The following LETM2 variants were observed in gnomAD, a reference collection of about 807,000 sequenced individuals.
LETM2 encodes the protein leucine zipper and EF-hand containing transmembrane protein 2.
In LETM2, 58 loss-of-function variants were observed where a neutral mutation model predicts 59.6. The observed-to-expected ratio is 0.97, with a 90% confidence interval of 0.79 to 1.21. The LOEUF (loss-of-function observed/expected upper bound fraction) is 1.21, where lower values mean the gene tolerates loss of function less well. LETM2 is among the 50% of genes most tolerant of loss of function. LETM2 has a pLI of 0.00. For synonymous variants in LETM2, 199 were observed against 214.1 expected, an observed-to-expected ratio of 0.93 and a Z score of 0.62; for missense variants, 572 against 575.7, an observed-to-expected ratio of 0.99 and a Z score of 0.07.
At chr8:38,405,481 A>G (rs1481245937) in intron 8 of LETM2, among the ~76,000 whole-genome samples, 1 of 152,210 alleles carries the variant, frequency 6.6e-6, no homozygotes, top group Non-Finnish European at 1.5e-5. Context: ...GTCGTTTTAC[A>G]TCTTAATTAT....
In LETM2 at chr8:38,392,924, G is replaced by T. The variant is rs770111359; in HGVS notation, c.430G>T (p.Ala144Ser). 2 of 1,612,510 alleles carry T rather than the reference G, an allele frequency of 1.2e-6. No individual in the cohort carries two copies. The highest frequency in any genetic ancestry group is 3.3e-5 in the Admixed American group (2 of 60,026). The change falls in exon 3 of 11, where the codon GCC becomes TCC. Residue 144 changes from alanine to serine, a missense_variant. By Grantham distance (99) the Ala-to-Ser change is moderately conservative. Coordinates refer to ENST00000379957, the MANE Select transcript of LETM2 (RefSeq NM_001286819.2). ...TGGATTCTACTTACTTTGGATTGAC[G>T]CCAAAGTTGCTGCCAGAATGGTTTG... ...YNGFYLLWID[A>S]KVAARMVWRL...
At chr8:38,399,277 T>G (rs936966335) in intron 4 of LETM2, among the ~76,000 whole-genome samples, 1 of 152,220 alleles carries the variant, frequency 6.6e-6, no homozygotes, top group Admixed American at 6.5e-5. Flanking sequence ...GTCCATTTAC[T>G]TTTCTTCTGT....
At chr8:38,401,113 C>A in intron 6 of LETM2, 60 bp downstream of exon 6, 1 of 1,336,712 alleles carries the variant, frequency 7.5e-7, no homozygotes, top group Non-Finnish European at 1.1e-6. Context: ...CCTTAGGGTG[C>A]CTGTGGGATG....
In LETM2 at chr8:38,393,781, C is replaced by T. The variant is rs1038379636; in HGVS notation, c.502-317C>T. On this transcript the variant is annotated intron_variant, in intron 3 of 10. Coordinates refer to ENST00000379957, the MANE Select transcript of LETM2 (RefSeq NM_001286819.2). The stretch of plus-strand genomic sequence containing the variant: ...CCTTCAAGATAGCCCCTAAAAGTTA[C>T]TTCAGAGCTATGGTAAACAGGAAAA... The T allele has an allele frequency of 6.7e-5, 16 of 238,072 alleles. No homozygotes were observed. The East Asian group carries it at 1.4e-3, about 20-fold the overall frequency. The allele number at this position is 238,072 out of a possible 1,614,324, so 14.7% of individuals were successfully genotyped here.
At chr8:38,386,412 G>A (rs1332847301), upstream of LETM2, 1 of 152,246 alleles carries the variant, frequency 6.6e-6, no homozygotes, top group Non-Finnish European at 1.5e-5. Context: ...CAGAACTTGA[G>A]AGCTTATTGG....
intron 8 of LETM2, chr8:38,404,780 A>G: frequency 3.0e-6 from 1 of 333,440 alleles, no homozygotes; most frequent in Non-Finnish European, 5.7e-6. Flanking sequence ...AGGAGTTTGA[A>G]ACTAGCCTGA....
rs141415608 is a variant in LETM2 at position 38,394,313 on chromosome 8, G to A, written c.645+72G>A. ...AGTTTTTAGGTTTACAGAAAACTTGGGCAGAAAGTACTACTTCTCCCCACC... is the reference window on the plus strand; with the variant it reads ...AGTTTTTAGGTTTACAGAAAACTTGAGCAGAAAGTACTACTTCTCCCCACC... On this transcript the variant is annotated intron_variant, in intron 4 of 10. Transcript: ENST00000379957. 28 of 861,036 alleles carry A rather than the reference G, an allele frequency of 3.3e-5. No homozygotes were observed. In the African/African-American group the frequency reaches 3.3e-4, roughly 10 times the overall value. 53.3% of individuals were successfully genotyped at this position (861,036 alleles called of 1,614,324 possible).
intron 4 of LETM2, among the ~76,000 whole-genome samples, chr8:38,395,826 C>T (rs576100121): frequency 1.3e-5 from 2 of 152,158 alleles, no homozygotes; most frequent in Non-Finnish European, 2.9e-5. Flanking sequence ...CTTCGGTTGA[C>T]TTTTTAATTG....
rs758760494 is a variant in LETM2, at chr8:38,392,898, A to G, written c.404A>G (p.Asn135Ser). The change falls in exon 3 of 11, where the codon AAT becomes AGT. Residue 135 changes from asparagine to serine, a missense_variant. Coordinates refer to ENST00000379957, the MANE Select transcript of LETM2 (RefSeq NM_001286819.2). ...KIMDELKYYY[N>S]GFYLLWIDAK... is the part of the protein sequence containing the mutation. ...ATGGATGAACTAAAATATTATTACA[A>G]TGGATTCTACTTACTTTGGATTGAC... The G allele has an allele frequency of 3.7e-6, 6 of 1,613,814 alleles. No homozygotes were observed. Among genetic ancestry groups the G allele is most frequent in the South Asian group, 2.2e-5 (2 of 91,088 alleles).
rs1811788906 is a variant in LETM2 at position 38,386,562 on chromosome 8, C to G, written c.-41C>G. On this transcript the variant is annotated 5_prime_UTR_variant, in exon 1 of 11. Coordinates refer to ENST00000379957, the MANE Select transcript of LETM2 (RefSeq NM_001286819.2). ...AGGCGGCCGTTCCGCGGAGCCCGGC[C>G]GAGGAGGTAGGGGTGGGCAGGCCCA... The G allele has an allele frequency of 6.6e-6, 1 of 152,166 alleles. No individual in the cohort carries two copies. Among genetic ancestry groups the G allele is most frequent in the South Asian group, 2.1e-4 (1 of 4,834 alleles). 9.4% of individuals were successfully genotyped at this position (152,166 alleles called of 1,614,324 possible). A position where few individuals can be genotyped will look rare whatever the true frequency, so the allele number is the denominator to read the frequency against.
At position 38,408,358 on chromosome 8, in the gene LETM2, G is replaced by A; in HGVS notation, c.*84G>A. 2.5e-6 allele frequency: 3 copies of A among 1,200,328 alleles called. No homozygotes were observed. The South Asian group carries it at 3.9e-5, about 16-fold the overall frequency. 74.4% of individuals were successfully genotyped at this position (1,200,328 alleles called of 1,614,324 possible). ...TGTAAAGGACCTCCCAGATAAGACT[G>A]TCTGGCTTCAGAGAGCGGATCAGCT... On this transcript the variant is annotated 3_prime_UTR_variant, in exon 11 of 11. Transcript: ENST00000379957.
In LETM2 at chr8:38,400,886, A is replaced by G. The variant is rs562215790; in HGVS notation, c.817A>G (p.Ile273Val). The G allele has an allele frequency of 6.2e-7, 1 of 1,614,182 alleles. No homozygotes were observed. The highest frequency in any genetic ancestry group is 1.1e-5 in the South Asian group (1 of 91,082). The stretch of plus-strand genomic sequence containing the variant: ...AGGCCACAAGCCCAGCACAAAGGAG[A>G]TAGTTCGCTTCTCCAAACTATTTGA... Reference protein sequence around the residue: ...QTGHKPSTKEIVRFSKLFEDQ... With the variant: ...QTGHKPSTKEVVRFSKLFEDQ... Residue 273 changes from isoleucine (I) to valine (V), a missense_variant, in exon 6 of 11, where the codon ATA (isoleucine) becomes GTA (valine). By Grantham distance (29) the Ile-to-Val change is conservative (BLOSUM62 3). Coordinates refer to ENST00000379957, the MANE Select transcript of LETM2 (RefSeq NM_001286819.2).
chr8:38,388,297 C>G (rs558697078), intron 2 of LETM2, among the ~76,000 whole-genome samples: 3 of 151,810 alleles, frequency 2.0e-5, no homozygotes, highest in South Asian at 2.1e-4. Context: ...CCAGGCTGCT[C>G]TGGAACTCCT....
In LETM2 at chr8:38,399,163, GTTC is replaced by G. The variant is rs746839610; in HGVS notation, c.646-1103_646-1101del. Among the ~76,000 whole-genome samples the G allele has an allele frequency of 5.3e-5, 8 of 151,876 alleles. No individual in the cohort carries two copies. In the East Asian group the frequency reaches 1.4e-3, roughly 26 times the overall value. On this transcript the variant is annotated intron_variant, in intron 4 of 10. Coordinates refer to ENST00000379957, the MANE Select transcript of LETM2 (RefSeq NM_001286819.2). ...AACTTAAAAATATACGTAGATTCCT[GTTC>G]TTCTTTACCACCCTGAGTCCTGACT...
At chr8:38,399,606 CCTACT>C (rs757787389) in intron 4 of LETM2, among the ~76,000 whole-genome samples, 6 of 151,796 alleles carry the variant, frequency 4.0e-5, no homozygotes, top group Admixed American at 6.6e-5. Context: ...GGTGAAAACC[CCTACT>C]CTACTAAAAA....
rs1813149395 is a variant in LETM2 at position 38,400,866 on chromosome 8, A to G, written c.797A>G (p.His266Arg). ...CCCACTGCATAGGTCCAGACAGGCC[A>G]CAAGCCCAGCACAAAGGAGATAGTT... is the stretch of plus-strand genomic sequence containing the variant. ...SSYVKQVQTG[H>R]KPSTKEIVRF... Residue 266 changes from histidine (H) to arginine (R), a missense_variant, in exon 6 of 11, where the codon CAC (histidine) becomes CGC (arginine). Transcript: ENST00000379957. 6.2e-7 allele frequency: 1 copy of G among 1,614,210 alleles called. No homozygotes were observed. Among genetic ancestry groups the G allele is most frequent in the Non-Finnish European group, 8.5e-7 (1 of 1,180,048 alleles).
In LETM2 at chr8:38,396,957, C is replaced by T. The variant is rs899468977; in HGVS notation, c.645+2716C>T. 5.9e-5 allele frequency: 21 copies of T among 356,884 alleles called. 1 individual carries two copies. The highest frequency in any genetic ancestry group is 3.3e-4 in the African/African-American group (15 of 45,444). 22.1% of individuals were successfully genotyped at this position (356,884 alleles called of 1,614,324 possible). Reference sequence around the variant, plus strand: ...AGAAAACAGAAATCCACTGTTACCGCGGTGACTAGTGGAACAGTAGGTATG... The same window carrying T: ...AGAAAACAGAAATCCACTGTTACCGTGGTGACTAGTGGAACAGTAGGTATG... On this transcript the variant is annotated intron_variant, in intron 4 of 10. Transcript: ENST00000379957.
chr8:38,401,211 A>C (rs1386015957), intron 6 of LETM2, among the ~76,000 whole-genome samples, 158 bp downstream of exon 6: 1 of 152,144 alleles, frequency 6.6e-6, no homozygotes, highest in Non-Finnish European at 1.5e-5. Context: ...ATCCTGGCTT[A>C]TTGCAACCTC....
At chr8:38,383,205 G>C (rs534242460), upstream of LETM2, 1 of 152,438 alleles carries the variant, frequency 6.6e-6, no homozygotes, top group East Asian at 1.9e-4. Flanking sequence ...GAAGAACCGG[G>C]AGGCAACTCT....
Sources: gnomAD v4.1 joint callset for allele counts (sites outside exome capture counted in the v4.1 genomes callset) on GRCh38, gnomAD v4.1.1 for gene constraint, MANE v1.5 for transcripts, NCBI Gene and HGNC (gene_info 2026-07-23, HGNC 2026-07-21) for gene names.